The following CEP72 variants were observed in gnomAD, a reference collection of about 807,000 sequenced individuals.
CEP72 encodes the protein centrosomal protein 72.
CEP72 carries 78 observed loss-of-function variants against 65.7 expected under a neutral mutation model. The ratio of observed to expected loss-of-function variants is 1.19; its 90% confidence interval spans 0.99 to 1.43. CEP72 has a LOEUF of 1.43. Among genes scored for constraint, CEP72 ranks in the 40% most tolerant of loss-of-function variants. The probability of loss-of-function intolerance (pLI) is 0.00; values close to 1 mark genes in which losing one functional copy is unlikely to be tolerated. For synonymous variants in CEP72, 358 were observed against 351.7 expected (o/e 1.02, Z -0.20); for missense variants, 914 against 832.9 (o/e 1.10, Z -1.20).
At chr5:638,880 A>G (rs1248718311) in intron 7 of CEP72, among the ~76,000 whole-genome samples, 1 of 151,692 alleles carries the variant, frequency 6.6e-6, no homozygotes, top group Non-Finnish European at 1.5e-5. Context: ...TGTCATCGAG[A>G]CCTCACTCAT....
chr5:666,210 C>A, intron 4 of CEP72: 1 of 1,453,910 alleles, frequency 6.9e-7, no homozygotes, highest in South Asian at 1.3e-5. Context: ...AGCTGGACAG[C>A]CATGGCCCAG....
chr5:647,892 C>G lies in CEP72; in HGVS notation c.1754C>G (p.Thr585Arg). 6.2e-7 allele frequency: 1 copy of G among 1,612,008 alleles called. No homozygotes were observed. The highest frequency in any genetic ancestry group is 8.5e-7 in the Non-Finnish European group (1 of 1,179,688). ...CACTACGACAAGATCCAGGAGCTCA[C>G]GCAGATGCTGCAGGAGAGCCACAGG... ...LEHYDKIQEL[T>R]QMLQESHSSL... is the part of the protein sequence containing the mutation. The change falls in exon 11 of 12, where the codon ACG becomes AGG. Residue 585 changes from threonine (T) to arginine (R), a missense_variant. By Grantham distance (71) the Thr-to-Arg change is moderately conservative. Transcript: ENST00000264935.
chr5:635,643 T>A, intron 6 of CEP72, 59 bp downstream of exon 6: 1 of 1,337,048 alleles, frequency 7.5e-7, no homozygotes, highest in Non-Finnish European at 1.1e-6. Context: ...ACAGACTGAG[T>A]AATTTATAAA....
At chr5:618,263 C>G (rs562578799) in intron 1 of CEP72, among the ~76,000 whole-genome samples, 2 of 152,194 alleles carry the variant, frequency 1.3e-5, no homozygotes, top group African/African-American at 4.8e-5. Context: ...AGGTACGTTC[C>G]TTGCTCGTCA....
chr5:664,837 G>C (rs16900955), intron 2 of CEP72: 2 of 494,958 alleles, frequency 4.0e-6, no homozygotes, highest in African/African-American at 3.9e-5. Flanking sequence ...TGTGATCCGC[G>C]AGACACTTTG....
chr5:648,791 T>TG (rs1738644644), intron 11 of CEP72, among the ~76,000 whole-genome samples: 2 of 115,618 alleles, frequency 1.7e-5, no homozygotes, highest in Non-Finnish European at 3.5e-5. Flanking sequence ...CTGTGAGGTG[T>TG]GACTGTGAGG....
At chr5:640,712 T>C in intron 9 of CEP72, 108 bp downstream of exon 9, 1 of 1,457,372 alleles carries the variant, frequency 6.9e-7, no homozygotes, top group Non-Finnish European at 9.0e-7. Context: ...CCAACTGCCA[T>C]CTCTGCAGCC....
chr5:672,418 AC>A, the CEP72 span, among the ~76,000 whole-genome samples: 1 of 152,212 alleles, frequency 6.6e-6, no homozygotes, highest in African/African-American at 2.4e-5. Flanking sequence ...GGGAAAATAC[AC>A]CACACCCAGC....
chr5:633,393 T>G (rs2126775657), intron 4 of CEP72, among the ~76,000 whole-genome samples: 3 of 142,508 alleles, frequency 2.1e-5, no homozygotes, highest in Non-Finnish European at 4.7e-5. Flanking sequence ...AGTGCTGGAT[T>G]TGACCCAGTC....
At chr5:676,087 C>T in the CEP72 span, 1 of 152,192 alleles carries the variant, frequency 6.6e-6, no homozygotes, top group Admixed American at 6.5e-5. Context: ...TCTGCCGTCC[C>T]CTAGAGCTGG....
chr5:635,810 G>C (rs181321528), intron 6 of CEP72, among the ~76,000 whole-genome samples: 8 of 144,838 alleles, frequency 5.5e-5, no homozygotes, highest in African/African-American at 2.0e-4. Flanking sequence ...ATCCTTTATC[G>C]GGAACCCAGC....
rs761483505 is a variant in CEP72 at position 653,101 on chromosome 5, T to C, written c.1892T>C (p.Met631Thr). Residue 631 changes from methionine to threonine, a missense_variant, in exon 12 of 12, where the codon ATG becomes ACG. Transcript: ENST00000264935. The part of the protein sequence containing the change: ...HWSYQELKKT[M>T]ALFPHSSASH... ...AGCTACCAGGAGCTCAAGAAGACCA[T>C]GGCCCTGTTTCCACACAGCAGCGCC... is the stretch of plus-strand genomic sequence containing the variant. 12 of 1,613,408 alleles carry C rather than the reference T, an allele frequency of 7.4e-6. No homozygotes were observed. The highest frequency in any genetic ancestry group is 8.5e-7 in the Non-Finnish European group (1 of 1,179,986).
intron 3 of CEP72, among the ~76,000 whole-genome samples, chr5:622,005 C>T (rs1736426932): frequency 6.6e-6 from 1 of 152,226 alleles, no homozygotes; most frequent in Non-Finnish European, 1.5e-5. Flanking sequence ...AACTCCTGGC[C>T]TCAAGTCATC....
At position 640,582 on chromosome 5, in the gene CEP72, T is replaced by C. The variant is rs1387534916; in HGVS notation, c.1517T>C (p.Leu506Pro). 7 of 1,613,134 alleles carry C rather than the reference T, an allele frequency of 4.3e-6. No homozygotes were observed. The highest frequency in any genetic ancestry group is 1.3e-5 in the African/African-American group (1 of 74,930). ...AREMSEVTAE[L>P]HHTHKELDDL... ...GAGATGAGCGAGGTGACGGCGGAGC[T>C]GCACCACACACACAAGGAGCTGGTG... The change falls in exon 9 of 12, where the codon CTG becomes CCG. Residue 506 changes from leucine (L) to proline (P), a missense_variant. Physicochemically the swap from Leu to Pro is moderately conservative, Grantham distance 98. Coordinates refer to ENST00000264935, the MANE Select transcript of CEP72 (RefSeq NM_018140.4).
chr5:649,710 T>G, intron 11 of CEP72, among the ~76,000 whole-genome samples: 2 of 62,894 alleles, frequency 3.2e-5, no homozygotes, highest in Non-Finnish European at 2.9e-5. Flanking sequence ...GCGTGGACTG[T>G]GAGGGGTGAC....
intron 5 of CEP72, 111 bp from the exon 6 acceptor site, chr5:635,261 C>T: frequency 2.6e-6 from 2 of 780,460 alleles, no homozygotes; most frequent in Non-Finnish European, 4.1e-6. Flanking sequence ...CGTGATTAAC[C>T]CCTCGGTCTA....
intron 1 of CEP72, 37 bp downstream of exon 1, chr5:612,480 T>TGGGGGGG: frequency 1.9e-6 from 1 of 525,120 alleles, no homozygotes; most frequent in Admixed American, 4.5e-5. Flanking sequence ...AAGCGTGAGG[T>TGGGGGGG]GGCGGGGGGG....
chr5:656,992 G>T (rs1358930698), downstream of CEP72: 1 of 152,158 alleles, frequency 6.6e-6, no homozygotes, highest in Non-Finnish European at 1.5e-5. Context: ...CAGTGATGGA[G>T]ATGACCATGA....
rs771821168 is a variant in CEP72 at position 647,929 on chromosome 5, G to A, written c.1778+13G>A. The A allele has an allele frequency of 1.8e-5, 28 of 1,599,808 alleles. No individual in the cohort carries two copies. Among genetic ancestry groups the A allele is most frequent in the Middle Eastern group, 3.9e-4 (2 of 5,132 alleles). Reference sequence around the variant, plus strand: ...AGGAGAGCCACAGGTGCCTGCCCGTGAGACTTGGGTGGGCCCCCGAGGGGA... The same window carrying A: ...AGGAGAGCCACAGGTGCCTGCCCGTAAGACTTGGGTGGGCCCCCGAGGGGA... On this transcript the variant is annotated intron_variant, in intron 11 of 11. Coordinates refer to ENST00000264935, the MANE Select transcript of CEP72 (RefSeq NM_018140.4).
Sources: allele counts gnomAD v4.1 joint callset (sites outside exome capture counted in the v4.1 genomes callset), GRCh38; gene constraint gnomAD v4.1.1; transcripts MANE v1.5; gene names NCBI Gene and HGNC (gene_info 2026-07-23, HGNC 2026-07-21).